The following HECTD4 variants were observed in gnomAD, a reference collection of about 807,000 sequenced individuals.
The protein encoded by HECTD4 is probable E3 ubiquitin-protein ligase HECTD4.
HECTD4 carries 114 observed loss-of-function variants against 471.5 expected under a neutral mutation model. The ratio of observed to expected loss-of-function variants is 0.24; its 90% confidence interval spans 0.21 to 0.28. HECTD4 has a LOEUF of 0.28. Ranked by LOEUF, HECTD4 falls within the 10% of genes least tolerant of loss-of-function variation. The pLI, the probability that HECTD4 is intolerant of heterozygous loss-of-function variation, is 1.00. For missense variants in HECTD4, 3,866 were observed against 5,651.5 expected, an observed-to-expected ratio of 0.68 and a Z score of 10.13; for synonymous variants, 2,012 against 2,256.0, an observed-to-expected ratio of 0.89 and a Z score of 3.07.
Position 112,382,272 on chromosome 12 carries a change from C to T in HECTD4, c.-144G>A. 1.4e-6 allele frequency: 1 copy of T among 698,008 alleles called. No homozygotes were observed. 43.2% of individuals were successfully genotyped at this position (698,008 alleles called of 1,614,324 possible). A position where few individuals can be genotyped will look rare whatever the true frequency, so the allele number is the denominator to read the frequency against. ...TTGCTGCCTCGCCCGTGCAACTCCG[C>T]CCTAGGCGGTCCGAGTCGCCATACC... On this transcript the variant is annotated 5_prime_UTR_variant, in exon 1 of 76. Coordinates refer to ENST00000682272, the MANE Select transcript of HECTD4 (RefSeq NM_001388303.1).
At chr12:112,361,596 A>G (rs2036451457) in intron 1 of HECTD4, among the ~76,000 whole-genome samples, 1 of 152,108 alleles carries the variant, frequency 6.6e-6, no homozygotes, top group South Asian at 2.1e-4. Flanking sequence ...GAAGGGGGGC[A>G]TTTTATAACC....
intron 1 of HECTD4, among the ~76,000 whole-genome samples, chr12:112,325,948 C>T (rs2035735092): frequency 6.6e-6 from 1 of 152,030 alleles, no homozygotes; most frequent in Non-Finnish European, 1.5e-5. Flanking sequence ...AGGCCTGCAC[C>T]ACCACACTCG....
chr12:112,284,172 TC>T (rs781650022), intron 7 of HECTD4, among the ~76,000 whole-genome samples: 1 of 152,174 alleles, frequency 6.6e-6, no homozygotes, highest in Non-Finnish European at 1.5e-5. Flanking sequence ...AGTCCTGTGC[TC>T]CCCTCTGCCT....
chr12:112,354,450 G>A (rs1455157831), intron 1 of HECTD4, among the ~76,000 whole-genome samples: 5 of 152,088 alleles, frequency 3.3e-5, no homozygotes, highest in South Asian at 4.1e-4. Flanking sequence ...TATTCATAAT[G>A]CTTCTATTAA....
Position 112,163,827 on chromosome 12 carries a change from C to G in HECTD4, c.12702-90G>C. ...CCCACTCAGCTGGAGGTCCCGGATC[C>G]TCTCTTGGGAGAGGCCTGGGGCCCA... On this transcript the variant is annotated intron_variant, in intron 73 of 75. Coordinates refer to ENST00000682272, the MANE Select transcript of HECTD4 (RefSeq NM_001388303.1). The surrounding 1 kb of genome is among the most constrained non-coding windows in gnomAD (Gnocchi z 8.2). 1 of 1,227,308 alleles carries G rather than the reference C, an allele frequency of 8.1e-7. No individual in the cohort carries two copies. Among genetic ancestry groups the G allele is most frequent in the Non-Finnish European group, 1.1e-6 (1 of 925,696 alleles). 76.0% of individuals were successfully genotyped at this position (1,227,308 alleles called of 1,614,324 possible). A position where few individuals can be genotyped will look rare whatever the true frequency, so the allele number is the denominator to read the frequency against.
intron 9 of HECTD4, among the ~76,000 whole-genome samples, chr12:112,278,336 G>A (rs927129255): frequency 2.0e-5 from 3 of 152,030 alleles, no homozygotes; most frequent in Non-Finnish European, 2.9e-5. Context: ...TGAAATTTAC[G>A]GTGTGTGAGT....
chr12:112,277,609 G>A (rs898523812), intron 9 of HECTD4, among the ~76,000 whole-genome samples: 3 of 152,164 alleles, frequency 2.0e-5, no homozygotes, highest in African/African-American at 7.2e-5. Flanking sequence ...GCACTAAGGA[G>A]AAAACCTCAC....
chr12:112,224,630 G>A (rs1248285431), intron 44 of HECTD4, among the ~76,000 whole-genome samples: 1 of 152,124 alleles, frequency 6.6e-6, no homozygotes, highest in Non-Finnish European at 1.5e-5. Context: ...TAAGCTCATA[G>A]TCTTCTCTTT....
intron 9 of HECTD4, among the ~76,000 whole-genome samples, chr12:112,276,628 G>A (rs929764740): frequency 3.3e-5 from 5 of 152,072 alleles, no homozygotes; most frequent in African/African-American, 9.7e-5. Flanking sequence ...TTGTATTTTA[G>A]TAGAGATGGG....
chr12:112,210,339 C>T, intron 49 of HECTD4, 87 bp from the exon 50 acceptor site: 1 of 1,388,138 alleles, frequency 7.2e-7, no homozygotes, highest in Non-Finnish European at 1.0e-6. Flanking sequence ...CACTAAACGT[C>T]ACCTTGGAAG....
intron 62 of HECTD4, among the ~76,000 whole-genome samples, chr12:112,180,483 C>T (rs988174433): frequency 4.6e-5 from 7 of 150,856 alleles, no homozygotes; most frequent in African/African-American, 7.3e-5. Flanking sequence ...TGCAGTGAGC[C>T]GATATGGTAC....
At chr12:112,278,216 A>T (rs1318281936) in intron 9 of HECTD4, among the ~76,000 whole-genome samples, 1 of 152,170 alleles carries the variant, frequency 6.6e-6, no homozygotes, top group Non-Finnish European at 1.5e-5. Flanking sequence ...TAGGAGAGCA[A>T]CTGTTGATGA....
intron 44 of HECTD4, among the ~76,000 whole-genome samples, chr12:112,225,930 G>A (rs2033222512): frequency 6.6e-6 from 1 of 152,100 alleles, no homozygotes; most frequent in African/African-American, 2.4e-5. Context: ...GCCCAGCTTA[G>A]ATACTTAATA....
chr12:112,276,808 T>C (rs2034537679), intron 9 of HECTD4, among the ~76,000 whole-genome samples: 2 of 152,164 alleles, frequency 1.3e-5, no homozygotes, highest in African/African-American at 4.8e-5. Context: ...AAAGAAGGTA[T>C]ACAAATGGCC....
At chr12:112,332,649 T>G (rs1055789626) in intron 1 of HECTD4, among the ~76,000 whole-genome samples, 33 of 152,114 alleles carry the variant, frequency 2.2e-4, no homozygotes, top group Admixed American at 2.1e-3. Flanking sequence ...TTGGGTGACT[T>G]TACGGACTCC....
chr12:112,231,727 T>G lies in HECTD4; in HGVS notation c.5998-12A>C, dbSNP rs747017668. The G allele has an allele frequency of 8.1e-6, 13 of 1,603,706 alleles. No individual in the cohort carries two copies. The African/African-American group carries it at 1.7e-4, about 21-fold the overall frequency. ...TCGCAACAGCCACCCTGGGGTGAGG[T>G]TGAAGACGCTGAGAAGATTCATTTC... On this transcript the variant is annotated splice_polypyrimidine_tract_variant and intron_variant, in intron 38 of 75. Coordinates refer to ENST00000682272, the MANE Select transcript of HECTD4 (RefSeq NM_001388303.1).
rs560296058 is a variant in HECTD4, at chr12:112,366,334, C to T, written c.177+15618G>A. Among the ~76,000 whole-genome samples the T allele has an allele frequency of 2.6e-5, 4 of 151,800 alleles. No individual in the cohort carries two copies. In the South Asian group the frequency reaches 8.3e-4, roughly 32 times the overall value. On this transcript the variant is annotated intron_variant, in intron 1 of 75. Transcript: ENST00000682272. Reference sequence around the variant, plus strand: ...ACAAGCCTGGGCAACGTAGTGAGACCCCCATGTCTACAAAAAAATTTTTTT... The same window carrying T: ...ACAAGCCTGGGCAACGTAGTGAGACTCCCATGTCTACAAAAAAATTTTTTT...
At position 112,204,481 on chromosome 12, in the gene HECTD4, A is replaced by G; in HGVS notation, c.8269+5T>C. ...TCATAGGTCGAGTAAGGAGGAAAGC[A>G]AAACCTTTTCGAACTTTATCAATTG... On this transcript the variant is annotated splice_donor_5th_base_variant and intron_variant, in intron 53 of 75. Coordinates refer to ENST00000682272, the MANE Select transcript of HECTD4 (RefSeq NM_001388303.1). 6.2e-7 allele frequency: 1 copy of G among 1,611,126 alleles called. No homozygotes were observed. Among genetic ancestry groups the G allele is most frequent in the East Asian group, 2.2e-5 (1 of 44,866 alleles).
intron 1 of HECTD4, among the ~76,000 whole-genome samples, chr12:112,351,432 A>T (rs1327844058): frequency 6.6e-6 from 1 of 152,250 alleles, no homozygotes; most frequent in Non-Finnish European, 1.5e-5. Flanking sequence ...AATATGGCTC[A>T]TAACAGCATG....
Sources: allele counts gnomAD v4.1 joint callset (sites outside exome capture counted in the v4.1 genomes callset), GRCh38; gene constraint gnomAD v4.1.1; non-coding constraint Gnocchi (gnomAD v3.1); transcripts MANE v1.5; gene names NCBI Gene and HGNC (gene_info 2026-07-23, HGNC 2026-07-21).